The following NIBAN3 variants were observed in gnomAD, a reference collection of about 807,000 sequenced individuals.
NIBAN3 encodes the protein protein Niban 3.
In NIBAN3, 66 loss-of-function variants were observed where a neutral mutation model predicts 76.4. The ratio of observed to expected loss-of-function variants is 0.86; its 90% CI spans 0.71 to 1.06. The LOEUF is 1.06. Among genes scored for constraint, NIBAN3 ranks in the 50% least tolerant of loss-of-function variants. The pLI is 0.00. For synonymous variants in NIBAN3, 360 were observed against 355.2 expected, an observed-to-expected ratio of 1.01 and a Z score of -0.15; for missense variants, 808 against 810.7, an observed-to-expected ratio of 1.00 and a Z score of 0.04.
Position 17,542,921 on chromosome 19 carries a change from G to A in NIBAN3, c.1330-396G>A, listed in dbSNP as rs1249903600. On this transcript the variant is annotated intron_variant, in intron 10 of 14. Transcript: ENST00000599164. This position sits in a 1 kb window ranked among gnomAD's most constrained non-coding sequence, Gnocchi z 4.8. The stretch of plus-strand genomic sequence containing the variant: ...AAGCAATAAGTGTTTTGAAGTCTGA[G>A]ATGGGACCTGCTGATGGACATGGTG... 6.6e-6 allele frequency among the ~76,000 whole-genome samples: 1 copy of A among 152,168 alleles called. No homozygotes were observed. Among genetic ancestry groups the A allele is most frequent in the African/African-American group, 2.4e-5 (1 of 41,448 alleles).
downstream of NIBAN3, among the ~76,000 whole-genome samples, chr19:17,554,139 G>A (rs910945813): frequency 6.6e-6 from 1 of 152,110 alleles, no homozygotes; most frequent in African/African-American, 2.4e-5. Flanking sequence ...CTCCCAAAAT[G>A]CTGGGATTAC....
intron 13 of NIBAN3, among the ~76,000 whole-genome samples, chr19:17,547,181 C>T (rs1241865266): frequency 4.0e-5 from 6 of 151,178 alleles, no homozygotes; most frequent in Admixed American, 2.6e-4. Flanking sequence ...GGTGAAACCC[C>T]GTCTCTACTA....
chr19:17,553,229 G>A lies in NIBAN3; in HGVS notation c.*1331G>A, dbSNP rs2076182478. Reference sequence around the variant, plus strand: ...TATCTAATAACTCTTTATATCTGAAGGATATGAACGCTTTGTGATACAGGT... The same window carrying A: ...TATCTAATAACTCTTTATATCTGAAAGATATGAACGCTTTGTGATACAGGT... On this transcript the variant is annotated 3_prime_UTR_variant, in exon 15 of 15. Transcript: ENST00000599164. 1 of 1,543,316 alleles carries A rather than the reference G, an allele frequency of 6.5e-7. No homozygotes were observed. Among genetic ancestry groups the A allele is most frequent in the Admixed American group, 2.1e-5 (1 of 48,706 alleles).
Position 17,549,470 on chromosome 19 carries a change from G to T in NIBAN3, c.1693G>T (p.Asp565Tyr), listed in dbSNP as rs887869370. 6.2e-7 allele frequency: 1 copy of T among 1,613,920 alleles called. No homozygotes were observed. The highest frequency in any genetic ancestry group is 8.5e-7 in the Non-Finnish European group (1 of 1,179,846). The change falls in exon 14 of 15, where the codon GAT becomes TAT. Residue 565 changes from aspartate (D) to tyrosine (Y), a missense_variant. Asp to Tyr is a radical substitution (Grantham distance 160). Coordinates refer to ENST00000599164, the MANE Select transcript of NIBAN3 (RefSeq NM_001321827.2). ...ATTGAAAAAGACCCTTGGTGCCAATGATGTATCCTGCACTCTGGACGGCTG... is the reference window on the plus strand; with the variant it reads ...ATTGAAAAAGACCCTTGGTGCCAATTATGTATCCTGCACTCTGGACGGCTG... The part of the protein sequence containing the change: ...QELKKTLGAN[D>Y]VSCTLDGCLE...
intron 2 of NIBAN3, among the ~76,000 whole-genome samples, chr19:17,531,993 G>A (rs1423844708): frequency 1.3e-5 from 2 of 152,202 alleles, no homozygotes; most frequent in East Asian, 1.9e-4. Flanking sequence ...TGGGATCCAC[G>A]CTTATTACTA....
At chr19:17,524,505 G>A (rs1038178367), upstream of NIBAN3, among the ~76,000 whole-genome samples, 9 of 151,686 alleles carry the variant, frequency 5.9e-5, no homozygotes, top group East Asian at 1.9e-4. Context: ...GGCTGGTCTC[G>A]AACTCCTGAC....
chr19:17,525,272 CT>C (rs1281348006), upstream of NIBAN3, among the ~76,000 whole-genome samples: 2 of 152,214 alleles, frequency 1.3e-5, no homozygotes, highest in African/African-American at 4.8e-5. Flanking sequence ...CCTGTGATGG[CT>C]CCATTTGATC....
At chr19:17,525,968 C>T (rs556477311), upstream of NIBAN3, among the ~76,000 whole-genome samples, 15 of 151,876 alleles carry the variant, frequency 9.9e-5, no homozygotes, top group Non-Finnish European at 2.1e-4. Context: ...AGCCAGAAAT[C>T]GCTTGAACCC....
At position 17,540,400 on chromosome 19, in the gene NIBAN3, A is replaced by G; in HGVS notation, c.988A>G (p.Arg330Gly). 6.7e-7 allele frequency: 1 copy of G among 1,496,156 alleles called. No homozygotes were observed. The highest frequency in any genetic ancestry group is 8.9e-7 in the Non-Finnish European group (1 of 1,118,816). 92.7% of individuals were successfully genotyped at this position (1,496,156 alleles called of 1,614,324 possible). A position where few individuals can be genotyped will look rare whatever the true frequency, so the allele number is the denominator to read the frequency against. ...RVAGRLRTDI[R>G]GPLESCLRRE... ...GTGTCTTCCACTCCCAGCGGATATC[A>G]GGGGACCGCTCGAGTCGTGCCTGCG... The change falls in exon 9 of 15, where the codon AGG (arginine) becomes GGG (glycine). Residue 330 changes from arginine (R) to glycine (G), a missense_variant. Arg to Gly is a moderately radical substitution (Grantham distance 125). Coordinates refer to ENST00000599164, the MANE Select transcript of NIBAN3 (RefSeq NM_001321827.2).
Position 17,539,414 on chromosome 19 carries a change from G to T in NIBAN3, c.779G>T (p.Arg260Leu). The part of the protein sequence containing the change: ...ALRAQTLPGL[R>L]GAGRARAWAW... Reference sequence around the variant, plus strand: ...CGAGCCCAGACCCTTCCTGGCCTGCGGGGGGCAGGCCGCGCCCGCGCCTGG... The same window carrying T: ...CGAGCCCAGACCCTTCCTGGCCTGCTGGGGGCAGGCCGCGCCCGCGCCTGG... Residue 260 changes from arginine to leucine, a missense_variant, in exon 7 of 15, where the codon CGG (arginine) becomes CTG (leucine). By Grantham distance (102) the Arg-to-Leu change is moderately radical (BLOSUM62 -2). Coordinates refer to ENST00000599164, the MANE Select transcript of NIBAN3 (RefSeq NM_001321827.2). 6 of 1,523,858 alleles carry T rather than the reference G, an allele frequency of 3.9e-6. No individual in the cohort carries two copies. Among genetic ancestry groups the T allele is most frequent in the East Asian group, 2.5e-5 (1 of 40,424 alleles). The allele number at this position is 1,523,858 out of a possible 1,614,324, so 94.4% of individuals were successfully genotyped here. A position where few individuals can be genotyped will look rare whatever the true frequency, so the allele number is the denominator to read the frequency against.
chr19:17,533,341 T>G (rs2075764069), intron 3 of NIBAN3: 3 of 374,312 alleles, frequency 8.0e-6, no homozygotes, highest in Non-Finnish European at 1.4e-5. Flanking sequence ...ACTTGGGAGG[T>G]GGAGGTTGCG....
intron 2 of NIBAN3, among the ~76,000 whole-genome samples, chr19:17,531,691 G>A (rs2075727779): frequency 6.6e-6 from 1 of 152,142 alleles, no homozygotes; most frequent in South Asian, 2.1e-4. Context: ...CCGCCACCAT[G>A]CCTGGGTAAT....
At chr19:17,534,002 G>A (rs769151408) in intron 4 of NIBAN3, among the ~76,000 whole-genome samples, 1 of 152,192 alleles carries the variant, frequency 6.6e-6, no homozygotes, top group Non-Finnish European at 1.5e-5. Context: ...GAGGGGGAGA[G>A]TTAGGTCATG....
downstream of NIBAN3, among the ~76,000 whole-genome samples, chr19:17,554,377 G>A (rs558497299): frequency 1.1e-4 from 16 of 152,024 alleles, no homozygotes; most frequent in East Asian, 2.9e-3. Context: ...CTACTTGGGA[G>A]GCTGAGGCAG....
At chr19:17,540,663 A>T in intron 9 of NIBAN3, 81 bp downstream of exon 9, 1 of 1,111,802 alleles carries the variant, frequency 9.0e-7, no homozygotes, top group Middle Eastern at 2.1e-4. Flanking sequence ...ATCTTCACTG[A>T]ATTTGTTCTA....
chr19:17,525,883 T>A (rs2075601484), upstream of NIBAN3, among the ~76,000 whole-genome samples: 1 of 152,078 alleles, frequency 6.6e-6, no homozygotes. Flanking sequence ...GAGGATCACC[T>A]GAGGTCAGGA....
At chr19:17,547,443 C>T (rs1224139493) in intron 13 of NIBAN3, among the ~76,000 whole-genome samples, 3 of 132,498 alleles carry the variant, frequency 2.3e-5, no homozygotes, top group Non-Finnish European at 4.7e-5. Flanking sequence ...CAACCTCTGC[C>T]TCCTGGGTTC....
upstream of NIBAN3, chr19:17,523,519 G>A: frequency 6.9e-7 from 1 of 1,449,550 alleles, no homozygotes; most frequent in Non-Finnish European, 9.4e-7. Flanking sequence ...TTGAGGGCAG[G>A]AGGCCGTGGC....
rs946028288 is a variant in NIBAN3 at position 17,546,729 on chromosome 19, A to C, written c.1598A>C (p.Gln533Pro). ...GGGGATGTCCTTGCCGTGGGCAGCCAGGCTCTGACCACTGAGGGCATCTAT... is the reference window on the plus strand; with the variant it reads ...GGGGATGTCCTTGCCGTGGGCAGCCCGGCTCTGACCACTGAGGGCATCTAT... ...FEGDVLAVGS[Q>P]ALTTEGIYED... Residue 533 changes from glutamine to proline, a missense_variant, in exon 13 of 15, where the codon CAG (glutamine) becomes CCG (proline). Gln to Pro is a moderately conservative substitution (Grantham distance 76, BLOSUM62 -1). Transcript: ENST00000599164. The C allele has an allele frequency of 6.2e-7, 1 of 1,604,176 alleles. No homozygotes were observed. The highest frequency in any genetic ancestry group is 1.3e-5 in the African/African-American group (1 of 74,852).
Sources: allele counts gnomAD v4.1 joint callset (sites outside exome capture counted in the v4.1 genomes callset), GRCh38; gene constraint gnomAD v4.1.1; non-coding constraint Gnocchi (gnomAD v3.1); transcripts MANE v1.5; gene names NCBI Gene and HGNC (gene_info 2026-07-23, HGNC 2026-07-21).